WFDC1: variants seen among roughly 807,000 people sequenced by gnomAD.
WFDC1 encodes WAP four-disulfide core domain 1.
Under a neutral mutation model 32.9 loss-of-function variants are expected in WFDC1, and 39 were observed. The observed-to-expected ratio is 1.19, with a 90% confidence interval of 0.92 to 1.55. WFDC1 has a LOEUF of 1.55. Ranked by LOEUF, WFDC1 falls within the 40% of genes most tolerant of loss-of-function variation. The pLI is 0.00. For missense variants in WFDC1, 386 were observed against 309.5 expected, an observed-to-expected ratio of 1.25 and a Z score of -1.85; for synonymous variants, 184 against 137.4, an observed-to-expected ratio of 1.34 and a Z score of -2.37.
Position 84,313,082 on chromosome 16 carries a change from GC to G in WFDC1, c.269del (p.Pro90ArgfsTer16). The G allele has an allele frequency of 7.0e-7, 1 of 1,425,164 alleles. No individual in the cohort carries two copies. Among genetic ancestry groups the G allele is most frequent in the Non-Finnish European group, 9.1e-7 (1 of 1,094,824 alleles). The allele number at this position is 1,425,164 out of a possible 1,614,324, so 88.3% of individuals were successfully genotyped here. The stretch of plus-strand genomic sequence containing the variant: ...GCGCGCTGTCAGGCGGACTCCGAGT[GC>G]CCGCGGCACCGGCGCTGCTGCTACA... Reference protein sequence around the residue: ...QAARCQADSECPRHRRCCYNG... With the variant: ...QAARCQADSEXPRHRRCCYNG... On this transcript the variant is annotated frameshift_variant, in exon 2 of 7. Coordinates refer to ENST00000219454, the MANE Select transcript of WFDC1 (RefSeq NM_021197.4). LOFTEE classifies it high-confidence loss of function.
chr16:84,318,249 G>C, intron 2 of WFDC1, 23 bp from the exon 3 acceptor site: 2 of 1,613,678 alleles, frequency 1.2e-6, no homozygotes, highest in South Asian at 1.1e-5. Flanking sequence ...GGAGGGCCCT[G>C]ATCTGACCCC....
chr16:84,299,995 G>A (rs185673556), intron 1 of WFDC1, among the ~76,000 whole-genome samples: 1 of 152,356 alleles, frequency 6.6e-6, no homozygotes, highest in East Asian at 1.9e-4. Context: ...GCATTCCTCA[G>A]TTCCCCATCT....
intron 4 of WFDC1, among the ~76,000 whole-genome samples, chr16:84,319,912 G>A (rs1039376487): frequency 1.4e-4 from 21 of 152,154 alleles, no homozygotes; most frequent in African/African-American, 1.2e-4. Context: ...GTTGTGGGGC[G>A]TGACTGAAAT....
intron 1 of WFDC1, chr16:84,295,745 G>T (rs1215996786): frequency 6.6e-6 from 1 of 152,666 alleles, no homozygotes; most frequent in Non-Finnish European, 1.5e-5. Flanking sequence ...GTCTGGGTGT[G>T]AATCGGGCTC....
At chr16:84,323,817 C>A (rs1057303962) in intron 4 of WFDC1, among the ~76,000 whole-genome samples, 1 of 152,190 alleles carries the variant, frequency 6.6e-6, no homozygotes, top group Non-Finnish European at 1.5e-5. Context: ...GCTTCCAGTT[C>A]ATCTGTTAAG....
intron 1 of WFDC1, among the ~76,000 whole-genome samples, chr16:84,311,946 A>G (rs964507418): frequency 4.6e-5 from 7 of 151,932 alleles, no homozygotes; most frequent in Non-Finnish European, 1.0e-4. Context: ...CAGGCGGATC[A>G]CCTGAGGTAG....
intron 1 of WFDC1, 83 bp from the exon 2 acceptor site, chr16:84,312,878 C>A: frequency 2.2e-6 from 2 of 894,916 alleles, no homozygotes; most frequent in Non-Finnish European, 2.8e-6. Flanking sequence ...GCCCGGCGCA[C>A]TGCCCACCCC....
intron 1 of WFDC1, among the ~76,000 whole-genome samples, chr16:84,308,891 T>G (rs1368572428): frequency 1.3e-5 from 2 of 151,552 alleles, no homozygotes; most frequent in South Asian, 4.2e-4. Flanking sequence ...ATAGATGCCA[T>G]CCTGGGTGTA....
At chr16:84,299,049 AG>A (rs1435447491) in intron 1 of WFDC1, among the ~76,000 whole-genome samples, 2 of 152,336 alleles carry the variant, frequency 1.3e-5, no homozygotes, top group East Asian at 3.9e-4. Flanking sequence ...CACTACGGAC[AG>A]ATTTAAAAAC....
chr16:84,307,951 C>T (rs1907363269), intron 1 of WFDC1, among the ~76,000 whole-genome samples: 1 of 152,134 alleles, frequency 6.6e-6, no homozygotes, highest in Admixed American at 6.6e-5. Context: ...GATAAAAGGT[C>T]CACGCTCTGG....
intron 1 of WFDC1, among the ~76,000 whole-genome samples, chr16:84,302,621 G>GCT (rs1302467920): frequency 1.3e-5 from 2 of 152,186 alleles, no homozygotes. Flanking sequence ...TAAGAGCCCA[G>GCT]CTCTTCCTTC....
At chr16:84,326,585 G>A (rs764294120) in intron 5 of WFDC1, 93 of 373,372 alleles carry the variant, frequency 2.5e-4, no homozygotes, top group Non-Finnish European at 3.9e-4. Context: ...CAGCAGAATG[G>A]CATGTGTGAA....
At chr16:84,309,672 A>C (rs1907492564) in intron 1 of WFDC1, among the ~76,000 whole-genome samples, 1 of 152,014 alleles carries the variant, frequency 6.6e-6, no homozygotes, top group African/African-American at 2.4e-5. Flanking sequence ...CACTGGACTG[A>C]GATCAAGGGG....
At chr16:84,324,729 T>G (rs535214002) in intron 5 of WFDC1, among the ~76,000 whole-genome samples, 1 of 152,120 alleles carries the variant, frequency 6.6e-6, no homozygotes, top group Non-Finnish European at 1.5e-5. Context: ...ATTCAGAGAA[T>G]TGGAAAACAC....
chr16:84,325,438 G>A (rs956480863), intron 5 of WFDC1, among the ~76,000 whole-genome samples: 3 of 151,838 alleles, frequency 2.0e-5, no homozygotes, highest in Non-Finnish European at 4.4e-5. Flanking sequence ...CCTGACCTCA[G>A]GTGATCTGCC....
At chr16:84,300,443 G>C (rs1906867793) in intron 1 of WFDC1, among the ~76,000 whole-genome samples, 1 of 152,224 alleles carries the variant, frequency 6.6e-6, no homozygotes, top group Non-Finnish European at 1.5e-5. Context: ...CCACTCCCCA[G>C]CTGGGGCTTC....
chr16:84,322,160 C>CGTGTGTGTGTGT (rs10687228), intron 4 of WFDC1, among the ~76,000 whole-genome samples: 2,445 of 142,228 alleles, frequency 0.017, 34 homozygotes, highest in African/African-American at 0.028. Context: ...TGTGTGTGTG[C>CGTGTGTGTGTGT]GTGTGTGTGT....
chr16:84,321,278 A>G (rs1187901671), intron 4 of WFDC1, among the ~76,000 whole-genome samples: 1 of 152,176 alleles, frequency 6.6e-6, no homozygotes, highest in Non-Finnish European at 1.5e-5. Flanking sequence ...GTGTCCATCA[A>G]TTCACAAGCA....
chr16:84,312,889 CT>C, intron 1 of WFDC1, 71 bp from the exon 2 acceptor site: 1 of 1,004,536 alleles, frequency 1.0e-6, no homozygotes, highest in Non-Finnish European at 1.2e-6. Flanking sequence ...TGCCCACCCC[CT>C]TGCAAGCTCC....
Sources: allele counts gnomAD v4.1 joint callset (sites outside exome capture counted in the v4.1 genomes callset), GRCh38; gene constraint gnomAD v4.1.1; transcripts MANE v1.5; gene names NCBI Gene and HGNC (gene_info 2026-07-23, HGNC 2026-07-21).